The following MAST4 variants were observed in gnomAD, a reference collection of about 807,000 sequenced individuals.
MAST4 encodes the protein microtubule-associated serine/threonine-protein kinase 4.
Under a neutral mutation model 162.7 loss-of-function variants are expected in MAST4, and 89 were observed. The ratio of observed to expected loss-of-function variants is 0.55; its 90% confidence interval spans 0.46 to 0.65. The LOEUF (loss-of-function observed/expected upper bound fraction) is 0.65, where lower values mean the gene tolerates loss of function less well. Among genes scored for constraint, MAST4 ranks in the 30% least tolerant of loss-of-function variants. The pLI, the probability that MAST4 is intolerant of heterozygous loss-of-function variation, is 0.00. For synonymous variants in MAST4, 1,479 were observed against 1,361.1 expected, an observed-to-expected ratio of 1.09 and a Z score of -1.91; for missense variants, 3,153 against 3,374.0, an observed-to-expected ratio of 0.93 and a Z score of 1.62.
intron 4 of MAST4, among the ~76,000 whole-genome samples, chr5:66,949,899 AAG>A (rs1744465877): frequency 6.6e-6 from 1 of 152,202 alleles, no homozygotes; most frequent in African/African-American, 2.4e-5. Flanking sequence ...AACTTTTTAA[AAG>A]AGGGAGTATA....
At chr5:66,711,637 C>G (rs946736139) in intron 1 of MAST4, among the ~76,000 whole-genome samples, 2 of 152,166 alleles carry the variant, frequency 1.3e-5, no homozygotes, top group African/African-American at 4.8e-5. Context: ...GAGTTTGAGA[C>G]CAGCCTGGCC....
At chr5:67,099,727 G>T (rs1336922321) in intron 7 of MAST4, among the ~76,000 whole-genome samples, 1 of 151,740 alleles carries the variant, frequency 6.6e-6, no homozygotes, top group Non-Finnish European at 1.5e-5. Context: ...CATCTTTCCT[G>T]TCTTTCCTTG....
intron 5 of MAST4, among the ~76,000 whole-genome samples, chr5:67,084,279 T>C (rs1412791025): frequency 1.3e-5 from 2 of 152,208 alleles, no homozygotes; most frequent in African/African-American, 4.8e-5. Flanking sequence ...TATACTGTTG[T>C]CACTGGCAGG....
chr5:66,924,581 A>G (rs891792833), intron 4 of MAST4, among the ~76,000 whole-genome samples: 3 of 151,814 alleles, frequency 2.0e-5, no homozygotes, highest in Non-Finnish European at 2.9e-5. Flanking sequence ...AATTTTTTGT[A>G]TTTTTAGTAG....
chr5:66,684,804 G>A (rs904070901), intron 1 of MAST4, among the ~76,000 whole-genome samples: 1 of 152,190 alleles, frequency 6.6e-6, no homozygotes, highest in African/African-American at 2.4e-5. Flanking sequence ...TCTCAGTTTA[G>A]AAGTGCTGCA....
chr5:66,606,121 C>G (rs1163438793), intron 1 of MAST4, among the ~76,000 whole-genome samples: 1 of 151,854 alleles, frequency 6.6e-6, no homozygotes, highest in Non-Finnish European at 1.5e-5. Context: ...TTTTTTTCTT[C>G]TTCTCTATCT....
chr5:67,145,522 T>A, intron 23 of MAST4, 143 bp downstream of exon 23: 1 of 659,902 alleles, frequency 1.5e-6, no homozygotes, highest in Non-Finnish European at 2.6e-6. Flanking sequence ...GTCCTTAGGC[T>A]TGGGACACGA....
chr5:66,641,894 G>A (rs1745510684), intron 1 of MAST4, among the ~76,000 whole-genome samples: 1 of 152,036 alleles, frequency 6.6e-6, no homozygotes, highest in Admixed American at 6.5e-5. Context: ...ATGATAAATA[G>A]GAAAAAATAA....
chr5:67,143,696 A>T (rs933590580), intron 21 of MAST4, among the ~76,000 whole-genome samples: 11 of 152,144 alleles, frequency 7.2e-5, no homozygotes, highest in Non-Finnish European at 1.6e-4. Context: ...CGAGGTAAGG[A>T]TTTCCCTGGA....
At chr5:66,804,030 A>C (rs181960) in intron 3 of MAST4, among the ~76,000 whole-genome samples, 24,531 of 151,676 alleles carry the variant, frequency 0.16, 2,294 homozygotes, top group East Asian at 0.44. Flanking sequence ...CTTTTTCTAC[A>C]TTTATTGATG....
At chr5:66,900,502 G>A (rs1762940462) in intron 4 of MAST4, among the ~76,000 whole-genome samples, 1 of 151,998 alleles carries the variant, frequency 6.6e-6, no homozygotes, top group Non-Finnish European at 1.5e-5. Flanking sequence ...TCTTTATAGT[G>A]TGTTTTATTC....
At chr5:66,777,192 C>T (rs1754643802) in intron 2 of MAST4, among the ~76,000 whole-genome samples, 1 of 152,184 alleles carries the variant, frequency 6.6e-6, no homozygotes, top group Admixed American at 6.5e-5. Context: ...ACTCCTGAGT[C>T]CACCTGTTGG....
intron 1 of MAST4, among the ~76,000 whole-genome samples, chr5:66,708,822 C>T (rs1043621278): frequency 2.6e-5 from 4 of 152,042 alleles, no homozygotes; most frequent in Admixed American, 1.3e-4. Context: ...GAATTTATTT[C>T]CTGGGTGGTA....
chr5:66,718,245 T>C lies in MAST4; in HGVS notation c.364-41464T>C, dbSNP rs10041635. ...AAATGAGAGGGACTCTATTTGAAGG[T>C]TTTTTTTGTTTGTTTTTTTGTTTTT... On this transcript the variant is annotated intron_variant, in intron 1 of 28. Coordinates refer to ENST00000403625, the MANE Select transcript of MAST4 (RefSeq NM_001164664.2). 5.3e-5 allele frequency among the ~76,000 whole-genome samples: 8 copies of C among 149,884 alleles called. No homozygotes were observed. In the South Asian group the frequency reaches 1.1e-3, roughly 20 times the overall value.
intron 1 of MAST4, among the ~76,000 whole-genome samples, chr5:66,625,450 G>C (rs1375350312): frequency 1.3e-5 from 2 of 151,898 alleles, no homozygotes; most frequent in African/African-American, 2.4e-5. Context: ...ATCTAATAAG[G>C]GATTAACATC....
chr5:66,813,003 C>T (rs577294148), intron 3 of MAST4, among the ~76,000 whole-genome samples: 22 of 152,210 alleles, frequency 1.4e-4, no homozygotes, highest in Admixed American at 9.8e-4. Flanking sequence ...TTTCCAGCTC[C>T]GAAGTGGAAT....
intron 1 of MAST4, among the ~76,000 whole-genome samples, chr5:66,657,983 A>G (rs1278591539): frequency 6.6e-6 from 1 of 152,220 alleles, no homozygotes; most frequent in East Asian, 1.9e-4. Flanking sequence ...ACGAAGAATA[A>G]TTATATACAA....
intron 4 of MAST4, among the ~76,000 whole-genome samples, chr5:67,018,253 G>A (rs551719017): frequency 6.6e-6 from 1 of 152,274 alleles, no homozygotes; most frequent in South Asian, 2.1e-4. Context: ...TAGCTCGTTT[G>A]GACAGACACA....
At chr5:66,883,422 G>GTTTTT (rs36071165) in intron 3 of MAST4, among the ~76,000 whole-genome samples, 1 of 97,254 alleles carries the variant, frequency 1.0e-5, no homozygotes, top group African/African-American at 4.0e-5. Flanking sequence ...TTCTGTCACT[G>GTTTTT]TTTTTTTTTT....
Sources: gnomAD v4.1 joint callset for allele counts (sites outside exome capture counted in the v4.1 genomes callset) on GRCh38, gnomAD v4.1.1 for gene constraint, MANE v1.5 for transcripts, NCBI Gene and HGNC (gene_info 2026-07-23, HGNC 2026-07-21) for gene names.